Variants in EHMT1 observed in about 807,000 individuals in gnomAD.
EHMT1 encodes histone-lysine N-methyltransferase EHMT1.
In EHMT1, 15 loss-of-function variants were observed where a neutral mutation model predicts 147.2. That is an observed-to-expected ratio of 0.10 (90% confidence interval 0.07 to 0.16). The LOEUF is 0.16. Among genes scored for constraint, EHMT1 ranks in the 10% least tolerant of loss-of-function variants. The pLI is 1.00. For synonymous variants in EHMT1, 795 were observed against 709.6 expected (o/e 1.12, Z -1.91); for missense variants, 1,587 against 1,772.4 (o/e 0.90, Z 1.88).
In EHMT1 at chr9:137,754,159, T is replaced by C; in HGVS notation, c.1249-12T>C. 2 of 1,614,066 alleles carry C rather than the reference T, an allele frequency of 1.2e-6. No homozygotes were observed. Among genetic ancestry groups the C allele is most frequent in the East Asian group, 2.2e-5 (1 of 44,878 alleles). ...CTTAGTGGTTTATATGCCTGCCCGTTTGGTTCTCCAGAGTTCGGAATCCAG... is the reference window on the plus strand; with the variant it reads ...CTTAGTGGTTTATATGCCTGCCCGTCTGGTTCTCCAGAGTTCGGAATCCAG... On this transcript the variant is annotated splice_polypyrimidine_tract_variant and intron_variant, in intron 7 of 26. Coordinates refer to ENST00000460843, the MANE Select transcript of EHMT1 (RefSeq NM_024757.5).
intron 18 of EHMT1, among the ~76,000 whole-genome samples, chr9:137,805,217 AGTC>A (rs906193392): frequency 2.7e-5 from 4 of 146,036 alleles, no homozygotes; most frequent in Admixed American, 6.7e-5. Flanking sequence ...CATGTCTGTC[AGTC>A]GTCCATGTGT....
chr9:137,722,335 A>C (rs1481026955), intron 3 of EHMT1, among the ~76,000 whole-genome samples: 1 of 152,260 alleles, frequency 6.6e-6, no homozygotes, highest in Non-Finnish European at 1.5e-5. Flanking sequence ...TGAGTAATTA[A>C]AGTGTAATTG....
At chr9:137,830,661 C>T (rs7865308) in intron 25 of EHMT1, among the ~76,000 whole-genome samples, 25,707 of 152,088 alleles carry the variant, frequency 0.17, 7,058 homozygotes, top group African/African-American at 0.58. Flanking sequence ...TAGAACATGT[C>T]CCATGGAAGC....
Position 137,777,902 on chromosome 9 carries a change from C to G in EHMT1, c.2039C>G (p.Ser680Trp), listed in dbSNP as rs147523309. The change falls in exon 13 of 27, where the codon TCG becomes TGG. Residue 680 changes from serine (S) to tryptophan (W), a missense_variant. Ser to Trp is a radical substitution (Grantham distance 177, BLOSUM62 -3). Transcript: ENST00000460843. Reference sequence around the variant, plus strand: ...TGAAGTGCTGCCGGGCCACCACTCTCGGAGGACGACAAGCTGCAGGGTGCA... The same window carrying G: ...TGAAGTGCTGCCGGGCCACCACTCTGGGAGGACGACAAGCTGCAGGGTGCA... ...TTGSAAGPPL[S>W]EDDKLQGAAS... is the part of the protein sequence containing the mutation. 1.2e-6 allele frequency: 2 copies of G among 1,613,358 alleles called. No homozygotes were observed. Among genetic ancestry groups the G allele is most frequent in the Non-Finnish European group, 1.7e-6 (2 of 1,180,034 alleles).
chr9:137,663,606 T>C (rs2134115459), intron 1 of EHMT1, among the ~76,000 whole-genome samples: 1 of 152,372 alleles, frequency 6.6e-6, no homozygotes, highest in Non-Finnish European at 1.5e-5. Flanking sequence ...TAATAATTTC[T>C]TATAATTCAT....
At chr9:137,706,845 G>A (rs531522119) in intron 1 of EHMT1, among the ~76,000 whole-genome samples, 2 of 151,872 alleles carry the variant, frequency 1.3e-5, no homozygotes, top group South Asian at 2.1e-4. Context: ...TTTTTGAGAT[G>A]GAGTTTTGCT....
chr9:137,704,100 G>T (rs1391683345), intron 1 of EHMT1, among the ~76,000 whole-genome samples: 2 of 152,126 alleles, frequency 1.3e-5, no homozygotes, highest in African/African-American at 4.8e-5. Context: ...ACCAGATCTT[G>T]TGAGATATAT....
intron 4 of EHMT1, among the ~76,000 whole-genome samples, chr9:137,734,619 T>C (rs1368557016): frequency 6.6e-6 from 1 of 152,158 alleles, no homozygotes; most frequent in African/African-American, 2.4e-5. Context: ...TGAACTCCAG[T>C]AAGATGAACT....
chr9:137,666,386 C>T (rs1256783567), intron 1 of EHMT1, among the ~76,000 whole-genome samples: 2 of 152,198 alleles, frequency 1.3e-5, no homozygotes, highest in Non-Finnish European at 2.9e-5. Flanking sequence ...TTATAAAGAG[C>T]GTGCTTGAAC....
intron 16 of EHMT1, among the ~76,000 whole-genome samples, chr9:137,795,429 T>TCACACACA (rs1491008741): frequency 5.1e-5 from 1 of 19,502 alleles, no homozygotes; most frequent in African/African-American, 7.3e-5. Context: ...ACACACACAC[T>TCACACACA]CTCACACTCA....
intron 12 of EHMT1, chr9:137,777,337 A>T (rs1177755395): frequency 1.6e-5 from 3 of 192,052 alleles, no homozygotes; most frequent in Non-Finnish European, 3.3e-5. Flanking sequence ...CAGTAAGAGG[A>T]TCTGATAAGA....
chr9:137,729,947 A>G (rs1222441800), intron 4 of EHMT1, among the ~76,000 whole-genome samples: 1 of 152,230 alleles, frequency 6.6e-6, no homozygotes, highest in Admixed American at 6.5e-5. Context: ...CAAAGGACAA[A>G]TAAAATCTGG....
At chr9:137,780,722 T>G (rs62589686) in intron 14 of EHMT1, among the ~76,000 whole-genome samples, 1,030 of 36,590 alleles carry the variant, frequency 0.028, 111 homozygotes, top group Middle Eastern at 0.056. Context: ...ATGACGCCGG[T>G]ATGTGTGGTG....
At chr9:137,719,173 C>T (rs1241462232) in intron 3 of EHMT1, among the ~76,000 whole-genome samples, 1 of 152,204 alleles carries the variant, frequency 6.6e-6, no homozygotes, top group Non-Finnish European at 1.5e-5. Context: ...TGGGGGTTCT[C>T]TTGGACTTGA....
intron 1 of EHMT1, among the ~76,000 whole-genome samples, chr9:137,649,286 C>G (rs112473115): frequency 4.6e-5 from 7 of 152,150 alleles, no homozygotes; most frequent in African/African-American, 1.7e-4. Flanking sequence ...ATGGGGAAAC[C>G]CTGTCTTTAC....
chr9:137,724,996 G>C (rs1166126118), intron 3 of EHMT1, among the ~76,000 whole-genome samples: 3 of 150,980 alleles, frequency 2.0e-5, no homozygotes, highest in Non-Finnish European at 4.4e-5. Context: ...TGTGGCATTA[G>C]TGTGGCAGGC....
chr9:137,817,826 T>C, intron 24 of EHMT1: 1 of 624,626 alleles, frequency 1.6e-6, no homozygotes, highest in Non-Finnish European at 2.8e-6. Context: ...AGGACCATTC[T>C]GGGTTCTCAG....
At chr9:137,757,262 G>A (rs1485120720) in intron 8 of EHMT1, among the ~76,000 whole-genome samples, 1 of 152,252 alleles carries the variant, frequency 6.6e-6, no homozygotes, top group Non-Finnish European at 1.5e-5. Context: ...CCAGCCAGGG[G>A]ACACCGGTCC....
At chr9:137,831,272 C>T (rs1344231254) in intron 25 of EHMT1, among the ~76,000 whole-genome samples, 44 of 152,192 alleles carry the variant, frequency 2.9e-4, no homozygotes, top group Admixed American at 2.7e-3. Flanking sequence ...TTTCTTATTC[C>T]TTCTCTTTTC....
Sources: gnomAD v4.1 joint callset for allele counts (sites outside exome capture counted in the v4.1 genomes callset) on GRCh38, gnomAD v4.1.1 for gene constraint, MANE v1.5 for transcripts, NCBI Gene and HGNC (gene_info 2026-07-23, HGNC 2026-07-21) for gene names.